The following FAM227B variants were observed in gnomAD, a reference collection of about 807,000 sequenced individuals.
FAM227B encodes protein FAM227B.
In FAM227B, 88 loss-of-function variants were observed where a neutral mutation model predicts 73.8. That is an observed-to-expected ratio of 1.19 (90% confidence interval 1.00 to 1.42). The LOEUF is 1.42. FAM227B is among the 40% of genes most tolerant of loss of function. The pLI, the probability that FAM227B is intolerant of heterozygous loss-of-function variation, is 0.00. For missense variants in FAM227B, 632 were observed against 590.9 expected (o/e 1.07, Z -0.72); for synonymous variants, 210 against 190.5 (o/e 1.10, Z -0.84).
intron 11 of FAM227B, among the ~76,000 whole-genome samples, chr15:49,374,438 G>A (rs1410316350): frequency 1.3e-5 from 2 of 152,140 alleles, no homozygotes; most frequent in African/African-American, 2.4e-5. Context: ...GAGAAATAGA[G>A]AAAATATAGG....
chr15:49,369,825 T>G (rs2045686162), intron 12 of FAM227B, among the ~76,000 whole-genome samples: 1 of 152,228 alleles, frequency 6.6e-6, no homozygotes, highest in Non-Finnish European at 1.5e-5. Flanking sequence ...AGTAGCTCTC[T>G]ACATATTTGA....
At chr15:49,470,250 C>CTGGGAACAT in intron 11 of FAM227B, among the ~76,000 whole-genome samples, 1 of 152,100 alleles carries the variant, frequency 6.6e-6, no homozygotes, top group Non-Finnish European at 1.5e-5. Flanking sequence ...TTCTTTAACA[C>CTGGGAACAT]TGGGAACACT....
intron 11 of FAM227B, among the ~76,000 whole-genome samples, chr15:49,481,924 T>C (rs2055983943): frequency 6.6e-6 from 1 of 152,052 alleles, no homozygotes; most frequent in African/African-American, 2.4e-5. Context: ...CTGGGCTACA[T>C]TAAATCCCAA....
intron 12 of FAM227B, among the ~76,000 whole-genome samples, chr15:49,369,104 G>A (rs1321907948): frequency 6.6e-6 from 1 of 150,922 alleles, no homozygotes; most frequent in Non-Finnish European, 1.5e-5. Context: ...GACTACAGGC[G>A]TCCACCACCA....
chr15:49,513,098 A>G (rs1597768389), intron 10 of FAM227B, among the ~76,000 whole-genome samples: 2 of 152,296 alleles, frequency 1.3e-5, no homozygotes, highest in East Asian at 1.9e-4. Flanking sequence ...AGAATGATTT[A>G]TATTCCTTTG....
At chr15:49,480,409 G>A (rs2152008547) in intron 11 of FAM227B, among the ~76,000 whole-genome samples, 1 of 151,614 alleles carries the variant, frequency 6.6e-6, no homozygotes, top group African/African-American at 2.4e-5. Flanking sequence ...CCAAGTTCAA[G>A]TGATTCCCCT....
intron 11 of FAM227B, among the ~76,000 whole-genome samples, chr15:49,382,311 C>T (rs866858749): frequency 1.3e-5 from 2 of 151,900 alleles, no homozygotes; most frequent in Admixed American, 6.6e-5. Flanking sequence ...GGAAGAGTAA[C>T]ATAATTTATA....
At chr15:49,372,014 AAATC>A (rs1265095979) in intron 11 of FAM227B, among the ~76,000 whole-genome samples, 1 of 90,650 alleles carries the variant, frequency 1.1e-5, no homozygotes, top group South Asian at 4.3e-4. Flanking sequence ...ATTCACTTAT[AAATC>A]AATGAAATAA....
intron 11 of FAM227B, among the ~76,000 whole-genome samples, chr15:49,420,792 G>A (rs1014004304): frequency 6.6e-6 from 1 of 152,154 alleles, no homozygotes; most frequent in East Asian, 1.9e-4. Context: ...TGCAAGCTCT[G>A]CTTCCCAGGT....
At chr15:49,580,365 C>T (rs2075736336) in intron 5 of FAM227B, among the ~76,000 whole-genome samples, 1 of 152,170 alleles carries the variant, frequency 6.6e-6, no homozygotes, top group Non-Finnish European at 1.5e-5. Flanking sequence ...ACATCCCAAA[C>T]TTCAACACTA....
rs549883712 is a variant in FAM227B at position 49,344,603 on chromosome 15, G to A, written c.1272-9107C>T. 2.0e-5 allele frequency among the ~76,000 whole-genome samples: 3 copies of A among 152,292 alleles called. No homozygotes were observed. The East Asian group carries it at 5.8e-4, about 29-fold the overall frequency. On this transcript the variant is annotated intron_variant, in intron 13 of 15. Coordinates refer to ENST00000299338, the MANE Select transcript of FAM227B (RefSeq NM_152647.3). ...TCCCTCTGAATTCGAAGGAAAGATA[G>A]CCCTGGTCTTGCTTAGCTTGGACTT...
chr15:49,395,366 G>A (rs1336988834), intron 11 of FAM227B, among the ~76,000 whole-genome samples: 1 of 152,102 alleles, frequency 6.6e-6, no homozygotes, highest in Non-Finnish European at 1.5e-5. Context: ...GAAAAAAGTA[G>A]AGATATTACA....
At chr15:49,335,561 TCA>T in intron 13 of FAM227B, 65 bp from the exon 14 acceptor site, 1 of 1,209,262 alleles carries the variant, frequency 8.3e-7, no homozygotes, top group South Asian at 1.3e-5. Flanking sequence ...ACAGTACCCT[TCA>T]CAGAGGAACC....
intron 11 of FAM227B, chr15:49,485,962 G>A (rs976648498): frequency 6.6e-6 from 1 of 151,920 alleles, no homozygotes; most frequent in African/African-American, 2.4e-5. Flanking sequence ...TAAGAATAAG[G>A]GGCCCTGAAT....
Position 49,395,901 on chromosome 15 carries a change from C to T in FAM227B, c.1013-24502G>A, listed in dbSNP as rs548759008. ...TTCATGGCTGAGGATTCAGAAACTT[C>T]CAGGTTCTTAATTTAAGGCCCATGA... On this transcript the variant is annotated intron_variant, in intron 11 of 15. Coordinates refer to ENST00000299338, the MANE Select transcript of FAM227B (RefSeq NM_152647.3). 2.2e-5 allele frequency: 10 copies of T among 455,484 alleles called. No individual in the cohort carries two copies. The East Asian group carries it at 7.0e-4, about 32-fold the overall frequency. The allele number at this position is 455,484 out of a possible 1,614,324, so 28.2% of individuals were successfully genotyped here.
intron 11 of FAM227B, among the ~76,000 whole-genome samples, chr15:49,455,003 G>C (rs576886190): frequency 2.0e-5 from 3 of 152,148 alleles, no homozygotes; most frequent in Non-Finnish European, 4.4e-5. Context: ...ATGGAAAACA[G>C]GTACCTTGCC....
intron 11 of FAM227B, among the ~76,000 whole-genome samples, chr15:49,414,113 C>T (rs1461453411): frequency 1.3e-5 from 2 of 151,978 alleles, no homozygotes; most frequent in Non-Finnish European, 2.9e-5. Context: ...AACAGTATGT[C>T]ATAATGCACA....
At chr15:49,434,042 G>C (rs1228000367) in intron 11 of FAM227B, among the ~76,000 whole-genome samples, 1 of 151,634 alleles carries the variant, frequency 6.6e-6, no homozygotes, top group African/African-American at 2.4e-5. Context: ...CATAGGAAGA[G>C]AGAACTGGGG....
At chr15:49,576,521 C>T (rs543074675) in intron 7 of FAM227B, 31 of 419,934 alleles carry the variant, frequency 7.4e-5, no homozygotes, top group South Asian at 4.1e-4. Context: ...AGCCAGTGTA[C>T]GCTAGCAACC....
Sources: gnomAD v4.1 joint callset for allele counts (sites outside exome capture counted in the v4.1 genomes callset) on GRCh38, gnomAD v4.1.1 for gene constraint, MANE v1.5 for transcripts, NCBI Gene and HGNC (gene_info 2026-07-23, HGNC 2026-07-21) for gene names.